The following RASA2 variants were observed in gnomAD, a reference collection of about 807,000 sequenced individuals.
RASA2 encodes the protein RAS p21 protein activator 2, also known as ras GTPase-activating protein 2.
RASA2 carries 155 observed loss-of-function variants against 118.2 expected under a neutral mutation model. The ratio of observed to expected loss-of-function variants is 1.31; its 90% CI spans 1.15 to 1.50. The LOEUF (loss-of-function observed/expected upper bound fraction) is 1.50. Among genes scored for constraint, RASA2 ranks in the 40% most tolerant of loss-of-function variants. RASA2 has a pLI of 0.00. For missense variants in RASA2, 1,016 were observed against 1,009.6 expected (o/e 1.01, Z -0.09); for synonymous variants, 353 against 349.1 (o/e 1.01, Z -0.12).
Position 141,586,145 on chromosome 3 carries a change from TTAAG to T in RASA2, c.1826+54_1826+57del, listed in dbSNP as rs1243719413. ...TGAAAGTCATATATCAGTATAGATA[TTAAG>T]TAAGTACAAAGAGCGTGGGTCTAAG... On this transcript the variant is annotated intron_variant, in intron 18 of 23. Coordinates refer to ENST00000286364, the MANE Select transcript of RASA2 (RefSeq NM_006506.5). 3.3e-6 allele frequency: 5 copies of T among 1,497,332 alleles called. No homozygotes were observed. The African/African-American group carries it at 5.6e-5, about 17-fold the overall frequency. 92.8% of individuals were successfully genotyped at this position (1,497,332 alleles called of 1,614,324 possible). A position where few individuals can be genotyped will look rare whatever the true frequency, so the allele number is the denominator to read the frequency against.
Position 141,510,908 on chromosome 3 carries a change from G to A in RASA2, c.134-1255G>A, listed in dbSNP as rs568831790. ...GGTATTGGAGGAGGAGAGTGAGTGA[G>A]TAACCTAAAGAATATGTTTCAAATA... is the stretch of plus-strand genomic sequence containing the variant. On this transcript the variant is annotated intron_variant, in intron 1 of 23. Coordinates refer to ENST00000286364, the MANE Select transcript of RASA2 (RefSeq NM_006506.5). Among the ~76,000 whole-genome samples the A allele has an allele frequency of 4.0e-3, 614 of 152,290 alleles. 2 individuals are homozygous for A. The highest frequency in any genetic ancestry group is 0.014 in the African/African-American group (590 of 41,558).
intron 3 of RASA2, chr3:141,525,825 AATAC>A (rs1274127720): frequency 6.6e-6 from 1 of 152,176 alleles, no homozygotes; most frequent in Non-Finnish European, 1.5e-5. Context: ...AATTAAAAAA[AATAC>A]ATAAATAAAA....
intron 9 of RASA2, among the ~76,000 whole-genome samples, chr3:141,565,631 C>T (rs529059676): frequency 1.3e-5 from 2 of 152,176 alleles, no homozygotes; most frequent in East Asian, 1.9e-4. Flanking sequence ...GCATGTAAGA[C>T]GTCCCTTTAC....
intron 1 of RASA2, among the ~76,000 whole-genome samples, chr3:141,509,626 G>C (rs764261794): frequency 6.6e-6 from 1 of 152,134 alleles, no homozygotes; most frequent in Non-Finnish European, 1.5e-5. Flanking sequence ...TTATGCAGAA[G>C]GGAGACGTCA....
At chr3:141,519,541 A>G (rs1321142528) in intron 3 of RASA2, among the ~76,000 whole-genome samples, 2 of 152,090 alleles carry the variant, frequency 1.3e-5, no homozygotes, top group Admixed American at 6.6e-5. Context: ...CACAAAAGGC[A>G]TTTTCTTAGT....
chr3:141,572,061 TACAC>T (rs374643522), intron 11 of RASA2, among the ~76,000 whole-genome samples: 40 of 98,242 alleles, frequency 4.1e-4, no homozygotes, highest in African/African-American at 1.8e-3. Flanking sequence ...TATATATATA[TACAC>T]ACACACACAC....
intron 3 of RASA2, chr3:141,526,190 A>G (rs1250395641): frequency 6.6e-6 from 1 of 152,186 alleles, no homozygotes; most frequent in Non-Finnish European, 1.5e-5. Flanking sequence ...AAGAAAATAT[A>G]TAAGAATGTC....
chr3:141,586,613 A>G, intron 18 of RASA2, 33 bp from the exon 19 acceptor site: 1 of 1,440,806 alleles, frequency 6.9e-7, no homozygotes, highest in South Asian at 1.2e-5. Context: ...TTTAATTTTT[A>G]TAGCTAAATG....
chr3:141,561,640 G>C (rs2082731257), intron 9 of RASA2, among the ~76,000 whole-genome samples: 1 of 152,146 alleles, frequency 6.6e-6, no homozygotes, highest in African/African-American at 2.4e-5. Context: ...CCCCTTGTGG[G>C]GTTGTTAGTA....
chr3:141,545,572 C>T (rs184645685), intron 5 of RASA2, among the ~76,000 whole-genome samples: 177 of 151,060 alleles, frequency 1.2e-3, no homozygotes, highest in African/African-American at 2.7e-3. Flanking sequence ...CCTCAGCCTC[C>T]GAGTAGCTGG....
intron 1 of RASA2, among the ~76,000 whole-genome samples, chr3:141,501,288 T>C (rs181447622): frequency 6.6e-4 from 100 of 152,334 alleles, no homozygotes; most frequent in Admixed American, 6.5e-3. Flanking sequence ...TTTTAAACAA[T>C]GACCTCCTCT....
At chr3:141,594,018 T>C (rs1281524083) in intron 19 of RASA2, among the ~76,000 whole-genome samples, 1 of 152,190 alleles carries the variant, frequency 6.6e-6, no homozygotes, top group Non-Finnish European at 1.5e-5. Context: ...GACGTGAACG[T>C]TAAAGCCTCT....
At chr3:141,501,050 G>T (rs1023341157) in intron 1 of RASA2, among the ~76,000 whole-genome samples, 3 of 152,084 alleles carry the variant, frequency 2.0e-5, no homozygotes, top group Non-Finnish European at 4.4e-5. Flanking sequence ...GCCAGATTTT[G>T]ATTATTAAAG....
chr3:141,609,957 G>A lies in RASA2; in HGVS notation c.2410G>A (p.Val804Ile), dbSNP rs750321951. 1.2e-6 allele frequency: 2 copies of A among 1,607,162 alleles called. No homozygotes were observed. The highest frequency in any genetic ancestry group is 1.7e-6 in the Non-Finnish European group (2 of 1,176,924). Residue 804 changes from valine to isoleucine, a missense_variant, in exon 23 of 24, where the codon GTA becomes ATA. Around this residue, in one of 2 missense-constraint regions of RASA2, gnomAD observed 120 missense variants for 173.2 expected, o/e 0.69. Transcript: ENST00000286364. ...DYSNFVIEDS[V>I]TTFKTIQQIK... ...TTCTAACTTTGTAATCGAGGATTCT[G>A]TAACAACCTTTAAGACAATTCAGCA...
At position 141,580,569 on chromosome 3, in the gene RASA2, C is replaced by G. The variant is rs2083097076; in HGVS notation, c.1674+118C>G. 2.0e-5 allele frequency: 13 copies of G among 660,826 alleles called. No individual in the cohort carries two copies. The East Asian group carries it at 3.8e-4, about 19-fold the overall frequency. 40.9% of individuals were successfully genotyped at this position (660,826 alleles called of 1,614,324 possible). On this transcript the variant is annotated intron_variant, in intron 16 of 23. Transcript: ENST00000286364. ...AAAACAAAACATACACACACACACA[C>G]ACACACACAGACACAATAGCTGTCT...
chr3:141,543,903 T>C (rs2082444848), intron 5 of RASA2, among the ~76,000 whole-genome samples: 1 of 134,126 alleles, frequency 7.5e-6, no homozygotes, highest in African/African-American at 2.8e-5. Context: ...TGATATGGAG[T>C]CTAGTTCTGT....
chr3:141,601,125 AAATTT>A (rs758003348), intron 19 of RASA2, among the ~76,000 whole-genome samples: 21 of 152,218 alleles, frequency 1.4e-4, no homozygotes, highest in Middle Eastern at 3.4e-3. Flanking sequence ...ACACAACACA[AAATTT>A]AATTTAAGAT....
chr3:141,599,369 G>A (rs751936335), intron 19 of RASA2, among the ~76,000 whole-genome samples: 4 of 151,110 alleles, frequency 2.6e-5, no homozygotes, highest in Non-Finnish European at 2.9e-5. Flanking sequence ...ACACAATAGT[G>A]TTCCAACTCT....
intron 5 of RASA2, among the ~76,000 whole-genome samples, chr3:141,541,977 A>G (rs1461844813): frequency 1.3e-5 from 2 of 152,048 alleles, no homozygotes; most frequent in African/African-American, 4.8e-5. Context: ...CTTCAGTTTA[A>G]TTATAATAGT....
Sources: gnomAD v4.1 joint callset for allele counts (sites outside exome capture counted in the v4.1 genomes callset) on GRCh38, gnomAD v4.1.1 for gene constraint, gnomAD v4.1.1 regional missense constraint, MANE v1.5 for transcripts, NCBI Gene and HGNC (gene_info 2026-07-23, HGNC 2026-07-21) for gene names.